Variants in GALNT1 observed in about 807,000 individuals in gnomAD.
GALNT1 encodes polypeptide N-acetylgalactosaminyltransferase 1, also known as GalNAc transferase 1.
In GALNT1, 17 loss-of-function variants were observed where a neutral mutation model predicts 65.7. The ratio of observed to expected loss-of-function variants is 0.26; its 90% confidence interval spans 0.18 to 0.39. The LOEUF (loss-of-function observed/expected upper bound fraction) is 0.39. Ranked by LOEUF, GALNT1 falls within the 10% of genes least tolerant of loss-of-function variation. The pLI is 1.00. For synonymous variants in GALNT1, 210 were observed against 219.7 expected, an observed-to-expected ratio of 0.96 and a Z score of 0.39; for missense variants, 460 against 672.8, an observed-to-expected ratio of 0.68 and a Z score of 3.50.
intron 1 of GALNT1, among the ~76,000 whole-genome samples, chr18:35,608,168 G>A (rs1308482077): frequency 2.0e-5 from 3 of 151,904 alleles, no homozygotes; most frequent in African/African-American, 7.3e-5. Flanking sequence ...TTTCAATGAA[G>A]TTGTCTTACT....
chr18:35,702,817 T>C (rs2048186906), intron 9 of GALNT1, 80 bp from the exon 10 acceptor site: 4 of 847,956 alleles, frequency 4.7e-6, no homozygotes, highest in Non-Finnish European at 5.4e-6. Flanking sequence ...TAGGTTGATA[T>C]TTAGTGTATA....
intron 3 of GALNT1, among the ~76,000 whole-genome samples, chr18:35,666,571 A>G (rs2047552420): frequency 6.6e-6 from 1 of 152,166 alleles, no homozygotes; most frequent in East Asian, 1.9e-4. Flanking sequence ...CCCCCTAAGT[A>G]TATCACCACT....
intron 1 of GALNT1, among the ~76,000 whole-genome samples, chr18:35,643,284 C>T (rs565712272): frequency 6.6e-6 from 1 of 152,022 alleles, no homozygotes; most frequent in East Asian, 1.9e-4. Flanking sequence ...GAGACATGGC[C>T]GAGGTGGGAA....
intron 5 of GALNT1, among the ~76,000 whole-genome samples, chr18:35,684,891 GAGA>G (rs1414294007): frequency 1.3e-5 from 2 of 152,170 alleles, no homozygotes; most frequent in African/African-American, 4.8e-5. Context: ...TGCCTCAGGT[GAGA>G]AGGTTAATAG....
chr18:35,601,441 T>C (rs181584355), intron 1 of GALNT1, among the ~76,000 whole-genome samples: 1 of 151,950 alleles, frequency 6.6e-6, no homozygotes, highest in East Asian at 1.9e-4. Flanking sequence ...CTCAATTTAC[T>C]TTTTTCCTGT....
At chr18:35,608,896 G>A (rs2046683525) in intron 1 of GALNT1, among the ~76,000 whole-genome samples, 1 of 152,176 alleles carries the variant, frequency 6.6e-6, no homozygotes, top group Admixed American at 6.5e-5. Context: ...GGCACTGTAA[G>A]TCCAAATGCA....
chr18:35,650,345 A>G (rs929529833), intron 1 of GALNT1, among the ~76,000 whole-genome samples: 1 of 152,218 alleles, frequency 6.6e-6, no homozygotes, highest in African/African-American at 2.4e-5. Context: ...ATTAAAAAAT[A>G]TCACAAGGCA....
At chr18:35,703,693 A>T in intron 11 of GALNT1, 50 bp downstream of exon 11, 1 of 1,574,590 alleles carries the variant, frequency 6.4e-7, no homozygotes, top group Non-Finnish European at 8.7e-7. Flanking sequence ...GTCACTGGGT[A>T]TATTTATATA....
intron 1 of GALNT1, among the ~76,000 whole-genome samples, chr18:35,618,075 A>G (rs2046807721): frequency 6.7e-6 from 1 of 149,888 alleles, no homozygotes. Context: ...TAACATGTAT[A>G]GAGAGCACTA....
intron 2 of GALNT1, among the ~76,000 whole-genome samples, chr18:35,662,026 G>C (rs111764524): frequency 5.9e-5 from 9 of 152,076 alleles, no homozygotes; most frequent in African/African-American, 2.2e-4. Context: ...TTTGACCACT[G>C]ATGTACCAAT....
At chr18:35,662,178 C>T (rs1027661765) in intron 2 of GALNT1, among the ~76,000 whole-genome samples, 1 of 152,140 alleles carries the variant, frequency 6.6e-6, no homozygotes, top group Non-Finnish European at 1.5e-5. Flanking sequence ...GTTTTTACTA[C>T]ACTTGTTGAT....
chr18:35,660,130 G>C (rs1598798290), intron 2 of GALNT1, among the ~76,000 whole-genome samples: 1 of 152,224 alleles, frequency 6.6e-6, no homozygotes, highest in Non-Finnish European at 1.5e-5. Context: ...TAGTGCATAA[G>C]GACAGTAAAA....
At chr18:35,635,115 A>G (rs1223716071) in intron 1 of GALNT1, among the ~76,000 whole-genome samples, 2 of 152,190 alleles carry the variant, frequency 1.3e-5, no homozygotes, top group Admixed American at 6.6e-5. Context: ...TATTACAGCA[A>G]AGGATACAAT....
intron 3 of GALNT1, among the ~76,000 whole-genome samples, chr18:35,672,321 C>A (rs966460175): frequency 6.6e-6 from 1 of 152,170 alleles, no homozygotes; most frequent in East Asian, 1.9e-4. Context: ...TTTTTCTACT[C>A]ATTTCCTGAC....
chr18:35,666,356 A>G (rs1318780867), intron 3 of GALNT1, among the ~76,000 whole-genome samples: 2 of 152,200 alleles, frequency 1.3e-5, no homozygotes, highest in Admixed American at 6.5e-5. Context: ...TTAAGTGGAG[A>G]TCAGTCAAGA....
intron 1 of GALNT1, among the ~76,000 whole-genome samples, chr18:35,608,038 C>T (rs185048048): frequency 1.6e-4 from 24 of 151,724 alleles, no homozygotes; most frequent in African/African-American, 5.6e-4. Flanking sequence ...GGGGGAATTA[C>T]CTTGAATCTA....
Position 35,711,744 on chromosome 18 carries a change from A to G in GALNT1, c.*1974A>G, listed in dbSNP as rs1224083252. The G allele has an allele frequency of 2.0e-5, 3 of 152,314 alleles. No homozygotes were observed. Among genetic ancestry groups the G allele is most frequent in the South Asian group, 4.1e-4 (2 of 4,826 alleles). 9.4% of individuals were successfully genotyped at this position (152,314 alleles called of 1,614,324 possible). The stretch of plus-strand genomic sequence containing the variant: ...GATGTAAGTGATTTAATTCATGGGT[A>G]CTTTTAGAACCTGATAGATAATCCC... On this transcript the variant is annotated 3_prime_UTR_variant, in exon 12 of 12. Coordinates refer to ENST00000269195, the MANE Select transcript of GALNT1 (RefSeq NM_020474.4).
chr18:35,687,326 C>T, intron 6 of GALNT1, 140 bp downstream of exon 6: 1 of 705,342 alleles, frequency 1.4e-6, no homozygotes, highest in Non-Finnish European at 2.2e-6. Flanking sequence ...AGCCATCTTT[C>T]ACATATGTGA....
chr18:35,656,810 G>C (rs955667731), intron 2 of GALNT1, among the ~76,000 whole-genome samples: 1 of 152,226 alleles, frequency 6.6e-6, no homozygotes, highest in Non-Finnish European at 1.5e-5. Flanking sequence ...GCAGGTAGCA[G>C]ATACCAGTCT....
Sources: allele counts gnomAD v4.1 joint callset (sites outside exome capture counted in the v4.1 genomes callset), GRCh38; gene constraint gnomAD v4.1.1; transcripts MANE v1.5; gene names NCBI Gene and HGNC (gene_info 2026-07-23, HGNC 2026-07-21).